The following TMEM232 variants were observed in gnomAD, a reference collection of about 807,000 sequenced individuals.
TMEM232 encodes transmembrane protein 232.
TMEM232 carries 80 observed loss-of-function variants against 78.8 expected under a neutral mutation model. That is an observed-to-expected ratio of 1.01 (90% CI 0.85 to 1.22). The LOEUF is 1.22. TMEM232 is among the 50% of genes most tolerant of loss of function. The probability of loss-of-function intolerance (pLI) is 0.00; values close to 1 mark genes in which losing one functional copy is unlikely to be tolerated. For synonymous variants in TMEM232, 297 were observed against 254.3 expected, an observed-to-expected ratio of 1.17 and a Z score of -1.60; for missense variants, 881 against 742.2, an observed-to-expected ratio of 1.19 and a Z score of -2.17.
chr5:110,626,073 T>C (rs921951982), intron 6 of TMEM232, among the ~76,000 whole-genome samples: 4 of 152,008 alleles, frequency 2.6e-5, no homozygotes, highest in Non-Finnish European at 4.4e-5. Context: ...CAGCCGCTGA[T>C]AGCTTCAGGT....
intron 2 of TMEM232, among the ~76,000 whole-genome samples, chr5:110,643,939 A>C (rs1254339787): frequency 6.6e-6 from 1 of 152,030 alleles, no homozygotes; most frequent in Non-Finnish European, 1.5e-5. Flanking sequence ...TGGGCAGTTA[A>C]ATAGCAATCT....
chr5:110,619,101 T>G (rs1783316727), intron 7 of TMEM232, among the ~76,000 whole-genome samples: 1 of 152,172 alleles, frequency 6.6e-6, no homozygotes, highest in South Asian at 2.1e-4. Flanking sequence ...CCAACAGTTT[T>G]ATATATTTAA....
At chr5:110,721,681 A>ATATATATATATATATATATATATATC (rs1173373099) in intron 1 of TMEM232, among the ~76,000 whole-genome samples, 1 of 127,968 alleles carries the variant, frequency 7.8e-6, no homozygotes, top group Non-Finnish European at 1.7e-5. Flanking sequence ...GTGTATATAT[A>ATATATATATATATATATATATATATC]TATCTGTGTG....
At chr5:110,505,624 A>G (rs964185657) in intron 12 of TMEM232, among the ~76,000 whole-genome samples, 4 of 152,152 alleles carry the variant, frequency 2.6e-5, no homozygotes, top group African/African-American at 7.2e-5. Context: ...CTCATGCCTC[A>G]GCCTCCCGAG....
chr5:110,425,256 C>A (rs1209572602), intron 12 of TMEM232, among the ~76,000 whole-genome samples: 1 of 151,996 alleles, frequency 6.6e-6, no homozygotes, highest in East Asian at 1.9e-4. Context: ...AATACATTTC[C>A]AAAGTCTTTG....
intron 3 of TMEM232, among the ~76,000 whole-genome samples, chr5:110,390,961 C>A (rs1435619510): frequency 6.6e-6 from 1 of 152,228 alleles, no homozygotes; most frequent in African/African-American, 2.4e-5. Context: ...AATACACACA[C>A]TCTAGGCATT....
intron 1 of TMEM232, among the ~76,000 whole-genome samples, chr5:110,700,863 A>C (rs987545052): frequency 6.6e-6 from 1 of 151,874 alleles, no homozygotes; most frequent in Non-Finnish European, 1.5e-5. Context: ...AATTGACACA[A>C]GAGCTACCTT....
intron 2 of TMEM232, among the ~76,000 whole-genome samples, chr5:110,410,220 A>G (rs1310532279): frequency 1.3e-5 from 2 of 152,172 alleles, no homozygotes; most frequent in Non-Finnish European, 2.9e-5. Flanking sequence ...CTTCCAATTC[A>G]TTGTGAAGGT....
rs537891200 is a variant in TMEM232, at chr5:110,627,059, T to G, written c.601+722A>C. On this transcript the variant is annotated intron_variant, in intron 6 of 13. Transcript: ENST00000455884. ...CCCTAGTTCCAAACCTGTTTTCAAC[T>G]GCTTGCTGGGTATATATACCTGAGT... 2.6e-5 allele frequency among the ~76,000 whole-genome samples: 4 copies of G among 152,196 alleles called. No individual in the cohort carries two copies. In the South Asian group the frequency reaches 6.2e-4, roughly 24 times the overall value.
At chr5:110,427,597 C>A (rs1307477457) in intron 12 of TMEM232, among the ~76,000 whole-genome samples, 1 of 151,912 alleles carries the variant, frequency 6.6e-6, no homozygotes, top group Non-Finnish European at 1.5e-5. Context: ...AACAGAAATT[C>A]ATTCTCTCAT....
chr5:110,464,185 TTATA>T (rs1279067448), intron 12 of TMEM232, among the ~76,000 whole-genome samples: 21 of 152,308 alleles, frequency 1.4e-4, no homozygotes, highest in African/African-American at 5.1e-4. Context: ...ATATAGTTCC[TTATA>T]TAGACACCTA....
intron 2 of TMEM232, among the ~76,000 whole-genome samples, chr5:110,406,261 T>TACACACAC (rs763984190): frequency 9.4e-5 from 5 of 53,394 alleles, no homozygotes; most frequent in Non-Finnish European, 1.7e-4. Flanking sequence ...GACACAGATA[T>TACACACAC]ATATACACAC....
chr5:110,431,272 G>A (rs962473073), intron 12 of TMEM232, among the ~76,000 whole-genome samples: 1 of 151,582 alleles, frequency 6.6e-6, no homozygotes, highest in South Asian at 2.1e-4. Flanking sequence ...TGAAAATTTG[G>A]GGCTCAAATC....
rs1438482245 is a variant in TMEM232, at chr5:110,579,576, T to C, written c.1277-10951A>G. Among the ~76,000 whole-genome samples, 4 of 151,884 alleles carry C rather than the reference T, an allele frequency of 2.6e-5. No homozygotes were observed. The East Asian group carries it at 7.7e-4, about 29-fold the overall frequency. On this transcript the variant is annotated intron_variant, in intron 10 of 13. Coordinates refer to ENST00000455884, the MANE Select transcript of TMEM232 (RefSeq NM_001039763.4). The stretch of plus-strand genomic sequence containing the variant: ...ATGTTTATTAGAGCTTTGAGAAGTG[T>C]AGAGTTTTGTATAAGATTGATGTTG...
intron 2 of TMEM232, among the ~76,000 whole-genome samples, chr5:110,647,423 C>T (rs1432619634): frequency 2.6e-5 from 4 of 151,948 alleles, no homozygotes; most frequent in Non-Finnish European, 5.9e-5. Flanking sequence ...TTATCACTCA[C>T]AACTGTTATA....
chr5:110,661,388 G>A (rs913777264), intron 2 of TMEM232, among the ~76,000 whole-genome samples: 6 of 148,508 alleles, frequency 4.0e-5, no homozygotes, highest in Non-Finnish European at 8.8e-5. Flanking sequence ...CTTTGCTCAC[G>A]GCAATCTCTA....
chr5:110,491,047 A>G (rs1165175330), intron 12 of TMEM232, among the ~76,000 whole-genome samples: 3 of 152,106 alleles, frequency 2.0e-5, no homozygotes, highest in African/African-American at 7.2e-5. Context: ...AATCCACACA[A>G]TGGAAAATAG....
intron 5 of TMEM232, among the ~76,000 whole-genome samples, chr5:110,637,356 C>T (rs1264487153): frequency 6.6e-6 from 1 of 151,516 alleles, no homozygotes; most frequent in Admixed American, 6.6e-5. Context: ...GCTTGGTCTC[C>T]ACAAGTCTTT....
rs78764634 is a variant in TMEM232 at position 110,621,806 on chromosome 5, T to C, written c.769-3244A>G. Among the ~76,000 whole-genome samples the C allele has an allele frequency of 3.0e-3, 450 of 152,206 alleles. 2 individuals carry two copies. Among genetic ancestry groups the C allele is most frequent in the African/African-American group, 0.01 (434 of 41,540 alleles). ...GTTCTTTCGTCTCCCTCCCTTGCTG[T>C]CCAGCTTTGGGCTATCATTTGTAGC... On this transcript the variant is annotated intron_variant, in intron 7 of 13. Transcript: ENST00000455884.
Sources: gnomAD v4.1 joint callset for allele counts (sites outside exome capture counted in the v4.1 genomes callset) on GRCh38, gnomAD v4.1.1 for gene constraint, MANE v1.5 for transcripts, NCBI Gene and HGNC (gene_info 2026-07-23, HGNC 2026-07-21) for gene names.